The following SSH2 variants were observed in gnomAD, a reference collection of about 807,000 sequenced individuals.
SSH2 encodes the protein protein phosphatase Slingshot homolog 2.
A neutral mutation model predicts 135.2 loss-of-function variants in SSH2; 37 were observed. The observed-to-expected ratio is 0.27, with a 90% CI of 0.21 to 0.36. The LOEUF (loss-of-function observed/expected upper bound fraction) is 0.36, where lower values mean the gene tolerates loss of function less well. Ranked by LOEUF, SSH2 falls within the 10% of genes least tolerant of loss-of-function variation. The probability of loss-of-function intolerance (pLI) is 1.00; values close to 1 mark genes in which losing one functional copy is unlikely to be tolerated. For synonymous variants in SSH2, 628 were observed against 646.2 expected (o/e 0.97, Z 0.43); for missense variants, 1,408 against 1,765.3 (o/e 0.80, Z 3.63).
chr17:29,639,553 G>A (rs1232679340), intron 14 of SSH2: 1 of 152,280 alleles, frequency 6.6e-6, no homozygotes, highest in Non-Finnish European at 1.5e-5. Flanking sequence ...GCTTGGGTGG[G>A]GCTCTCTCTG....
intron 2 of SSH2, among the ~76,000 whole-genome samples, chr17:29,829,103 G>C (rs1476961542): frequency 6.6e-6 from 1 of 152,090 alleles, no homozygotes; most frequent in Non-Finnish European, 1.5e-5. Context: ...ACAAAAAGTG[G>C]GTGGATCTCA....
At chr17:29,847,150 G>T (rs142086406) in intron 2 of SSH2, among the ~76,000 whole-genome samples, 26 of 152,114 alleles carry the variant, frequency 1.7e-4, no homozygotes, top group Admixed American at 6.5e-4. Context: ...CATAAAATAG[G>T]GGGGAAAAAT....
intron 2 of SSH2, among the ~76,000 whole-genome samples, chr17:29,796,957 T>G (rs572153379): frequency 4.6e-5 from 7 of 152,016 alleles, no homozygotes; most frequent in East Asian, 1.9e-4. Context: ...GGACTACAGA[T>G]GCACACTGCC....
At chr17:29,875,386 T>A (rs1428117463) in intron 1 of SSH2, among the ~76,000 whole-genome samples, 1 of 152,280 alleles carries the variant, frequency 6.6e-6, no homozygotes, top group African/African-American at 2.4e-5. Context: ...CCAAAATATG[T>A]CTTAAGTTTA....
intron 2 of SSH2, among the ~76,000 whole-genome samples, chr17:29,807,019 C>T (rs2042358440): frequency 6.6e-6 from 1 of 152,198 alleles, no homozygotes; most frequent in Non-Finnish European, 1.5e-5. Context: ...AAATAAAATC[C>T]ATCTGTTATG....
At chr17:29,860,751 CT>C (rs112494908) in intron 1 of SSH2, among the ~76,000 whole-genome samples, 68,505 of 142,612 alleles carry the variant, frequency 0.48, 16,347 homozygotes, top group East Asian at 0.67. Context: ...CACTTTTTTT[CT>C]TTTTTTTTTT....
intron 5 of SSH2, 32 bp downstream of exon 5, chr17:29,695,427 G>A (rs2038685481): frequency 6.3e-7 from 1 of 1,589,914 alleles, no homozygotes; most frequent in Non-Finnish European, 8.6e-7. Context: ...AGTCTTTTGA[G>A]GAAGAAAATT....
intron 3 of SSH2, among the ~76,000 whole-genome samples, chr17:29,748,753 T>C (rs778798584): frequency 7.2e-5 from 11 of 152,150 alleles, no homozygotes; most frequent in Non-Finnish European, 1.2e-4. Flanking sequence ...TTCTAAGCTT[T>C]AAAATACAGA....
At chr17:29,817,778 T>G (rs2042583497) in intron 2 of SSH2, among the ~76,000 whole-genome samples, 1 of 152,098 alleles carries the variant, frequency 6.6e-6, no homozygotes, top group Non-Finnish European at 1.5e-5. Flanking sequence ...TTTATTTGAG[T>G]AGGGGTCTCG....
intron 1 of SSH2, among the ~76,000 whole-genome samples, chr17:29,928,044 C>A (rs2067099356): frequency 6.6e-6 from 1 of 152,146 alleles, no homozygotes; most frequent in South Asian, 2.1e-4. Flanking sequence ...ATGATGACAA[C>A]TTGATATACA....
chr17:29,881,657 G>A (rs536829476), intron 1 of SSH2, among the ~76,000 whole-genome samples: 6 of 151,826 alleles, frequency 4.0e-5, no homozygotes, highest in East Asian at 1.9e-4. Flanking sequence ...ACCTGCCACC[G>A]CACCCAGGTA....
intron 3 of SSH2, among the ~76,000 whole-genome samples, chr17:29,791,950 T>C (rs1276118496): frequency 6.8e-6 from 1 of 147,320 alleles, no homozygotes; most frequent in Non-Finnish European, 1.5e-5. Context: ...TAAGACAGAG[T>C]CTCACTTTGT....
intron 1 of SSH2, among the ~76,000 whole-genome samples, chr17:29,905,738 G>C (rs995774598): frequency 2.0e-5 from 3 of 152,176 alleles, no homozygotes; most frequent in Non-Finnish European, 4.4e-5. Flanking sequence ...CTGGGGGCTG[G>C]GCTGCCAGTC....
At chr17:29,817,646 G>A (rs1259040714) in intron 2 of SSH2, among the ~76,000 whole-genome samples, 2 of 152,138 alleles carry the variant, frequency 1.3e-5, no homozygotes, top group Non-Finnish European at 2.9e-5. Flanking sequence ...ATATCCATGA[G>A]GGATTGTTTC....
At chr17:29,824,577 C>CAGG (rs1408474945) in intron 2 of SSH2, among the ~76,000 whole-genome samples, 8 of 152,282 alleles carry the variant, frequency 5.3e-5, no homozygotes, top group East Asian at 1.9e-4. Flanking sequence ...TGGGTCTAAT[C>CAGG]AGGATTCATG....
intron 1 of SSH2, chr17:29,863,823 C>T (rs1270438743): frequency 6.6e-6 from 1 of 152,174 alleles, no homozygotes; most frequent in African/African-American, 2.4e-5. Flanking sequence ...GTCTGCACTT[C>T]TACAGATGCA....
chr17:29,748,847 C>T (rs1047363842), intron 3 of SSH2, among the ~76,000 whole-genome samples: 3 of 152,060 alleles, frequency 2.0e-5, no homozygotes, highest in Non-Finnish European at 4.4e-5. Context: ...ATAAGCTGGA[C>T]GAAGACAGCA....
chr17:29,838,481 G>T (rs532813810), intron 2 of SSH2, among the ~76,000 whole-genome samples: 1 of 152,348 alleles, frequency 6.6e-6, no homozygotes, highest in East Asian at 1.9e-4. Flanking sequence ...TGCTGGTCCC[G>T]CAGACTGCAG....
At chr17:29,778,210 C>G (rs2151283306) in intron 3 of SSH2, among the ~76,000 whole-genome samples, 1 of 152,290 alleles carries the variant, frequency 6.6e-6, no homozygotes, top group East Asian at 1.9e-4. Context: ...GGATTTCTGC[C>G]TTAGACCTTT....
Sources: allele counts gnomAD v4.1 joint callset (sites outside exome capture counted in the v4.1 genomes callset), GRCh38; gene constraint gnomAD v4.1.1; transcripts MANE v1.5; gene names NCBI Gene and HGNC (gene_info 2026-07-23, HGNC 2026-07-21).